Variants in TBC1D32 observed in about 807,000 individuals in gnomAD.
TBC1D32 encodes TBC1 domain family member 32.
TBC1D32 carries 151 observed loss-of-function variants against 170.3 expected under a neutral mutation model. That is an observed-to-expected ratio of 0.89 (90% CI 0.78 to 1.01). The LOEUF is 1.01. Among genes scored for constraint, TBC1D32 ranks in the 50% least tolerant of loss-of-function variants. TBC1D32 has a pLI of 0.00. For synonymous variants in TBC1D32, 498 were observed against 488.0 expected (o/e 1.02, Z -0.27); for missense variants, 1,464 against 1,457.1 (o/e 1.00, Z -0.08).
At chr6:121,179,651 G>A (rs770823223) in intron 22 of TBC1D32, among the ~76,000 whole-genome samples, 17 of 151,980 alleles carry the variant, frequency 1.1e-4, no homozygotes, top group Admixed American at 5.2e-4. Context: ...GTGCATTCTC[G>A]ACTAACTTTA....
chr6:121,209,401 A>C (rs1792759520), intron 21 of TBC1D32, among the ~76,000 whole-genome samples: 1 of 152,178 alleles, frequency 6.6e-6, no homozygotes, highest in Non-Finnish European at 1.5e-5. Context: ...AACTATAGGC[A>C]CTATGTTGTA....
At position 121,291,963 on chromosome 6, in the gene TBC1D32, A is replaced by AG. The variant is rs1256424280; in HGVS notation, c.1372+89dup. Reference sequence around the variant, plus strand: ...AGGTATGTAGCTAAGTACCGTAGAAAGGAACATGCCAAATTTCCAAGTTTG... The same window carrying AG: ...AGGTATGTAGCTAAGTACCGTAGAAAGGGAACATGCCAAATTTCCAAGTTTG... On this transcript the variant is annotated intron_variant, in intron 12 of 31. Coordinates refer to ENST00000398212, the MANE Select transcript of TBC1D32 (RefSeq NM_152730.6). The AG allele has an allele frequency of 3.0e-6, 4 of 1,330,596 alleles. No individual in the cohort carries two copies. The African/African-American group carries it at 6.0e-5, about 20-fold the overall frequency. 82.4% of individuals were successfully genotyped at this position (1,330,596 alleles called of 1,614,324 possible). A position where few individuals can be genotyped will look rare whatever the true frequency, so the allele number is the denominator to read the frequency against.
At chr6:121,148,292 C>T (rs1329932739) in intron 24 of TBC1D32, among the ~76,000 whole-genome samples, 2 of 152,076 alleles carry the variant, frequency 1.3e-5, no homozygotes, top group Non-Finnish European at 2.9e-5. Context: ...AGCTTCATCC[C>T]TGTCCCTGAA....
chr6:121,215,740 A>G (rs1191532791), intron 21 of TBC1D32, among the ~76,000 whole-genome samples: 2 of 152,216 alleles, frequency 1.3e-5, no homozygotes, highest in Admixed American at 6.5e-5. Flanking sequence ...GCCAAGAAGC[A>G]TACGAAAAAA....
intron 30 of TBC1D32, among the ~76,000 whole-genome samples, chr6:121,099,960 G>T (rs1437140559): frequency 6.6e-6 from 1 of 151,778 alleles, no homozygotes; most frequent in Non-Finnish European, 1.5e-5. Flanking sequence ...AGGGCTTGAG[G>T]TATAGCAAGG....
At chr6:121,321,322 C>T (rs1809665581) in intron 2 of TBC1D32, among the ~76,000 whole-genome samples, 1 of 151,984 alleles carries the variant, frequency 6.6e-6, no homozygotes, top group African/African-American at 2.4e-5. Flanking sequence ...TGGTTTTTTG[C>T]AAAAGAGCAG....
At chr6:121,289,003 T>C (rs944329428) in intron 12 of TBC1D32, among the ~76,000 whole-genome samples, 26 of 152,262 alleles carry the variant, frequency 1.7e-4, no homozygotes, top group Non-Finnish European at 2.6e-4. Context: ...GGGACGTATC[T>C]CAAAATAATA....
intron 24 of TBC1D32, among the ~76,000 whole-genome samples, chr6:121,142,337 G>A (rs1428442411): frequency 6.6e-6 from 1 of 152,216 alleles, no homozygotes; most frequent in Non-Finnish European, 1.5e-5. Flanking sequence ...CACTTCGGAT[G>A]TTCTATTGGT....
At chr6:121,210,056 G>T (rs1472411607) in intron 21 of TBC1D32, among the ~76,000 whole-genome samples, 1 of 152,172 alleles carries the variant, frequency 6.6e-6, no homozygotes, top group Non-Finnish European at 1.5e-5. Flanking sequence ...AGGGTATTTT[G>T]TATCATTCAC....
chr6:121,152,432 T>A (rs1036142129), intron 24 of TBC1D32, among the ~76,000 whole-genome samples: 11 of 152,250 alleles, frequency 7.2e-5, no homozygotes. Flanking sequence ...GCCTTAAAAT[T>A]TTTTCCTTTA....
At chr6:121,221,617 A>G (rs1221924140) in intron 21 of TBC1D32, among the ~76,000 whole-genome samples, 1 of 152,224 alleles carries the variant, frequency 6.6e-6, no homozygotes. Flanking sequence ...ACCCTAATGG[A>G]TGACTTAAAG....
intron 30 of TBC1D32, among the ~76,000 whole-genome samples, chr6:121,096,543 G>C (rs1298266247): frequency 6.6e-6 from 1 of 152,030 alleles, no homozygotes; most frequent in Non-Finnish European, 1.5e-5. Context: ...AAGGAAATAA[G>C]AGAGGACACA....
At chr6:121,202,409 T>G (rs2128301064) in intron 22 of TBC1D32, among the ~76,000 whole-genome samples, 1 of 149,804 alleles carries the variant, frequency 6.7e-6, no homozygotes, top group Non-Finnish European at 1.5e-5. Context: ...TACTGACAGT[T>G]ATAGTAAGAT....
At chr6:121,196,541 G>C (rs1286886454) in intron 22 of TBC1D32, among the ~76,000 whole-genome samples, 1 of 152,142 alleles carries the variant, frequency 6.6e-6, no homozygotes, top group East Asian at 1.9e-4. Context: ...ACTACTATCC[G>C]TGGACTCATG....
chr6:121,303,744 A>G lies in TBC1D32; in HGVS notation c.953T>C (p.Val318Ala). 1 of 1,548,242 alleles carries G rather than the reference A, an allele frequency of 6.5e-7. No homozygotes were observed. The highest frequency in any genetic ancestry group is 8.8e-7 in the Non-Finnish European group (1 of 1,138,040). ...RHPEKYMEEI[V>A]ESTLSLLTVK... ...TGTTAACAAGGACAAAGTACTCTCC[A>G]CAATTTCTTCCATATACCTTAAAGT... Residue 318 changes from valine (V) to alanine (A), a missense_variant, in exon 9 of 32, where the codon GTG (valine) becomes GCG (alanine). Around this residue, in one of 3 missense-constraint regions of TBC1D32, gnomAD observed 1,363 missense variants for 1,338.1 expected, o/e 1.02. Transcript: ENST00000398212.
intron 30 of TBC1D32, among the ~76,000 whole-genome samples, chr6:121,104,589 G>C (rs1209259160): frequency 6.6e-6 from 1 of 151,504 alleles, no homozygotes; most frequent in Non-Finnish European, 1.5e-5. Flanking sequence ...TAAGTAAGTT[G>C]ACACAAGTCT....
intron 22 of TBC1D32, among the ~76,000 whole-genome samples, chr6:121,190,098 A>AGT (rs1562834433): frequency 7.0e-6 from 1 of 142,628 alleles, no homozygotes; most frequent in African/African-American, 2.6e-5. Flanking sequence ...ACACACACAC[A>AGT]CACACACACA....
At chr6:121,091,721 T>C (rs1413460550) in intron 30 of TBC1D32, among the ~76,000 whole-genome samples, 1 of 152,166 alleles carries the variant, frequency 6.6e-6, no homozygotes, top group East Asian at 1.9e-4. Flanking sequence ...GGAAACATTT[T>C]GATACATCAA....
At chr6:121,181,114 A>G (rs541346153) in intron 22 of TBC1D32, among the ~76,000 whole-genome samples, 1 of 152,296 alleles carries the variant, frequency 6.6e-6, no homozygotes, top group South Asian at 2.1e-4. Context: ...GATGCAGAGA[A>G]AGGGGAACAT....
Sources: gnomAD v4.1 joint callset for allele counts (sites outside exome capture counted in the v4.1 genomes callset) on GRCh38, gnomAD v4.1.1 for gene constraint, gnomAD v4.1.1 regional missense constraint, MANE v1.5 for transcripts, NCBI Gene and HGNC (gene_info 2026-07-23, HGNC 2026-07-21) for gene names.